AGTPBP1: variants seen among roughly 807,000 people sequenced by gnomAD.
AGTPBP1 encodes the protein cytosolic carboxypeptidase 1.
In AGTPBP1, 70 loss-of-function variants were observed where a neutral mutation model predicts 143.9. The ratio of observed to expected loss-of-function variants is 0.49; its 90% CI spans 0.40 to 0.59. The LOEUF (loss-of-function observed/expected upper bound fraction) is 0.59. Ranked by LOEUF, AGTPBP1 falls within the 20% of genes least tolerant of loss-of-function variation. The pLI, the probability that AGTPBP1 is intolerant of heterozygous loss-of-function variation, is 0.00. For missense variants in AGTPBP1, 1,229 were observed against 1,464.5 expected (o/e 0.84, Z 2.62); for synonymous variants, 463 against 500.2 (o/e 0.93, Z 0.99).
the AGTPBP1 span, among the ~76,000 whole-genome samples, chr9:85,771,507 T>G: frequency 6.6e-6 from 1 of 152,110 alleles, no homozygotes; most frequent in Non-Finnish European, 1.5e-5. Context: ...TTCTGTGAAA[T>G]AAGATAAATG....
intron 2 of AGTPBP1, among the ~76,000 whole-genome samples, chr9:85,704,598 CA>C (rs913178271): frequency 6.6e-6 from 1 of 152,144 alleles, no homozygotes; most frequent in African/African-American, 2.4e-5. Context: ...AAGAAAGACT[CA>C]AAAGATTCAC....
At chr9:85,636,255 G>GTTTC (rs1554712034) in intron 13 of AGTPBP1, among the ~76,000 whole-genome samples, 1 of 134,934 alleles carries the variant, frequency 7.4e-6, no homozygotes, top group African/African-American at 2.8e-5. Context: ...ATTTTGTAAG[G>GTTTC]TTTCTTTTTT....
At chr9:85,803,849 T>C in the AGTPBP1 span, among the ~76,000 whole-genome samples, 1 of 152,332 alleles carries the variant, frequency 6.6e-6, no homozygotes, top group African/African-American at 2.4e-5. Context: ...TCCTTCTCCT[T>C]TCCTTTGTAA....
chr9:85,592,729 G>T, intron 18 of AGTPBP1, 25 bp from the exon 19 acceptor site: 1 of 1,597,892 alleles, frequency 6.3e-7, no homozygotes, highest in Non-Finnish European at 8.5e-7. Context: ...CATAAAACAT[G>T]TTCATTTCAT....
the AGTPBP1 span, among the ~76,000 whole-genome samples, chr9:85,755,697 G>A: frequency 6.6e-6 from 1 of 152,178 alleles, no homozygotes; most frequent in Non-Finnish European, 1.5e-5. Context: ...ACTCAAGTTG[G>A]GGAGATAGAT....
chr9:85,796,489 C>T, the AGTPBP1 span, among the ~76,000 whole-genome samples: 1 of 151,994 alleles, frequency 6.6e-6, no homozygotes, highest in Non-Finnish European at 1.5e-5. Context: ...GCCCATCTGT[C>T]TGTATTATAA....
chr9:85,779,248 T>C, the AGTPBP1 span, among the ~76,000 whole-genome samples: 1 of 139,560 alleles, frequency 7.2e-6, no homozygotes, highest in African/African-American at 2.6e-5. Context: ...TATAGATATC[T>C]ATATAAATAT....
chr9:85,581,470 A>G (rs1341539018), intron 23 of AGTPBP1, among the ~76,000 whole-genome samples: 1 of 152,262 alleles, frequency 6.6e-6, no homozygotes, highest in Admixed American at 6.5e-5. Context: ...ACTAAAAGCT[A>G]TAAGCACAAT....
rs749088671 is a variant in AGTPBP1, at chr9:85,657,686, G to A, written c.701-43C>T. ...TGAGAAAGAATATTTTTTAAATGAC[G>A]AGAGTGAGTGGTAGAATAATCAAAT... On this transcript the variant is annotated intron_variant, in intron 9 of 25. Transcript: ENST00000357081. 8.4e-6 allele frequency: 12 copies of A among 1,424,328 alleles called. 1 individual carries two copies. The highest frequency in any genetic ancestry group is 3.8e-5 in the South Asian group (3 of 79,562). The allele number at this position is 1,424,328 out of a possible 1,614,324, so 88.2% of individuals were successfully genotyped here.
intron 23 of AGTPBP1, among the ~76,000 whole-genome samples, chr9:85,582,483 C>A (rs1458632186): frequency 1.3e-5 from 2 of 152,048 alleles, no homozygotes; most frequent in African/African-American, 4.8e-5. Flanking sequence ...TCGAGACCAG[C>A]CTGGCCAACA....
chr9:85,724,447 G>T (rs1838340667), intron 1 of AGTPBP1, among the ~76,000 whole-genome samples: 1 of 152,104 alleles, frequency 6.6e-6, no homozygotes, highest in African/African-American at 2.4e-5. Flanking sequence ...ACCAGTTTTT[G>T]AGAGAACAAT....
intron 21 of AGTPBP1, 128 bp from the exon 22 acceptor site, chr9:85,587,088 G>A (rs1364568565): frequency 8.7e-7 from 1 of 1,151,012 alleles, no homozygotes; most frequent in African/African-American, 1.6e-5. Flanking sequence ...TTTCAAATAG[G>A]TATAGATGGT....
chr9:85,593,297 A>G (rs761871921), intron 18 of AGTPBP1, among the ~76,000 whole-genome samples: 6 of 152,210 alleles, frequency 3.9e-5, no homozygotes, highest in Non-Finnish European at 7.4e-5. Flanking sequence ...ATGCAATCCA[A>G]TAAAATCCAA....
At chr9:85,779,231 ATATAG>A in the AGTPBP1 span, among the ~76,000 whole-genome samples, 5 of 132,774 alleles carry the variant, frequency 3.8e-5, no homozygotes, top group Admixed American at 2.1e-4. Flanking sequence ...ATAGATATAG[ATATAG>A]ATATAGATAT....
intron 11 of AGTPBP1, among the ~76,000 whole-genome samples, chr9:85,651,047 G>A (rs910958470): frequency 1.3e-5 from 2 of 152,124 alleles, no homozygotes; most frequent in Non-Finnish European, 2.9e-5. Context: ...CAGCTAGTCG[G>A]ATTTTGTTTT....
upstream of AGTPBP1, among the ~76,000 whole-genome samples, chr9:85,742,923 T>G (rs1824467014): frequency 6.6e-6 from 1 of 152,224 alleles, no homozygotes; most frequent in African/African-American, 2.4e-5. Context: ...TTTATGATCT[T>G]GTTCAAATAA....
chr9:85,676,924 T>C (rs1564133510), intron 6 of AGTPBP1, among the ~76,000 whole-genome samples: 1 of 152,062 alleles, frequency 6.6e-6, no homozygotes, highest in Non-Finnish European at 1.5e-5. Flanking sequence ...TTAAGTGAAA[T>C]AAGACAGGCA....
Position 85,633,208 on chromosome 9 carries a change from T to C in AGTPBP1, c.1469A>G (p.Lys490Arg), listed in dbSNP as rs1238606031. The change falls in exon 14 of 26, where the codon AAG becomes AGG. Residue 490 changes from lysine (K) to arginine (R), a missense_variant. Coordinates refer to ENST00000357081, the MANE Select transcript of AGTPBP1 (RefSeq NM_001330701.2). ...NISSKGDEGEKKSTFMDLAKE... is the reference protein window; with the variant it reads ...NISSKGDEGERKSTFMDLAKE... ...TGCTAGATCCATAAAGGTAGACTTCTTTTCACCTTCATCTCCTTTAGAAGA... is the reference window on the plus strand; with the variant it reads ...TGCTAGATCCATAAAGGTAGACTTCCTTTCACCTTCATCTCCTTTAGAAGA... The C allele has an allele frequency of 6.2e-7, 1 of 1,613,500 alleles. No homozygotes were observed. Among genetic ancestry groups the C allele is most frequent in the African/African-American group, 1.3e-5 (1 of 74,890 alleles).
intron 25 of AGTPBP1, among the ~76,000 whole-genome samples, chr9:85,567,040 T>C (rs956330060): frequency 1.3e-5 from 2 of 152,194 alleles, no homozygotes; most frequent in African/African-American, 4.8e-5. Context: ...GTTAGTATCA[T>C]GCTACCATAA....
Sources: allele counts gnomAD v4.1 joint callset (sites outside exome capture counted in the v4.1 genomes callset), GRCh38; gene constraint gnomAD v4.1.1; transcripts MANE v1.5; gene names NCBI Gene and HGNC (gene_info 2026-07-23, HGNC 2026-07-21).